The following ZNF804B variants were observed in gnomAD, a reference collection of about 807,000 sequenced individuals.
The protein encoded by ZNF804B is zinc finger 804B.
A neutral mutation model predicts 101.4 loss-of-function variants in ZNF804B; 80 were observed. The observed-to-expected ratio is 0.79, with a 90% confidence interval of 0.66 to 0.95. ZNF804B has a LOEUF of 0.95. Among genes scored for constraint, ZNF804B ranks in the 40% least tolerant of loss-of-function variants. The pLI is 0.00. For missense variants in ZNF804B, 1,673 were observed against 1,561.9 expected (o/e 1.07, Z -1.20); for synonymous variants, 622 against 558.8 (o/e 1.11, Z -1.59).
At chr7:89,013,225 A>G (rs989655302) in intron 1 of ZNF804B, among the ~76,000 whole-genome samples, 5 of 152,198 alleles carry the variant, frequency 3.3e-5, no homozygotes, top group African/African-American at 4.8e-5. Flanking sequence ...GAAAGTGGTA[A>G]GATTTTATCA....
At chr7:89,026,406 G>T (rs1340732890) in intron 1 of ZNF804B, among the ~76,000 whole-genome samples, 2 of 152,082 alleles carry the variant, frequency 1.3e-5, no homozygotes, top group African/African-American at 4.8e-5. Flanking sequence ...GTACACACAG[G>T]GGGAAGAGCA....
At chr7:89,250,257 T>C (rs1438720434) in intron 2 of ZNF804B, among the ~76,000 whole-genome samples, 1 of 151,878 alleles carries the variant, frequency 6.6e-6, no homozygotes, top group African/African-American at 2.4e-5. Context: ...AACGTGATGT[T>C]ACAATTGATT....
chr7:88,946,770 C>A (rs955311741), intron 1 of ZNF804B, among the ~76,000 whole-genome samples: 1 of 151,842 alleles, frequency 6.6e-6, no homozygotes, highest in Non-Finnish European at 1.5e-5. Flanking sequence ...ATTACTGCCT[C>A]AATTTCAGAA....
At chr7:89,104,385 T>G (rs1009215637) in intron 1 of ZNF804B, among the ~76,000 whole-genome samples, 1 of 151,920 alleles carries the variant, frequency 6.6e-6, no homozygotes, top group Non-Finnish European at 1.5e-5. Context: ...TGTTGGGAGA[T>G]TTTTCTACTA....
chr7:88,884,046 A>C (rs906201328), intron 1 of ZNF804B, among the ~76,000 whole-genome samples: 1 of 151,982 alleles, frequency 6.6e-6, no homozygotes, highest in African/African-American at 2.4e-5. Context: ...GCAGATGTCT[A>C]ATCTCACTTT....
intron 1 of ZNF804B, among the ~76,000 whole-genome samples, chr7:88,995,420 T>C (rs1421024178): frequency 6.6e-6 from 1 of 152,062 alleles, no homozygotes; most frequent in Non-Finnish European, 1.5e-5. Context: ...AGGAAACCCT[T>C]AGGTGTAGAA....
intron 2 of ZNF804B, among the ~76,000 whole-genome samples, chr7:89,304,713 T>C (rs534721918): frequency 6.6e-6 from 1 of 152,064 alleles, no homozygotes; most frequent in African/African-American, 2.4e-5. Context: ...AGCTATGTCA[T>C]GGCAGTATAG....
chr7:88,868,885 G>A (rs1049221741), intron 1 of ZNF804B, among the ~76,000 whole-genome samples: 4 of 152,280 alleles, frequency 2.6e-5, no homozygotes, highest in East Asian at 1.9e-4. Context: ...GACAGGAATC[G>A]CATTTTAATG....
intron 1 of ZNF804B, among the ~76,000 whole-genome samples, chr7:88,833,222 AG>A (rs1471639037): frequency 2.0e-5 from 3 of 151,784 alleles, no homozygotes; most frequent in Non-Finnish European, 4.4e-5. Flanking sequence ...CAAGGATGAT[AG>A]GAAAAAGAGG....
intron 1 of ZNF804B, among the ~76,000 whole-genome samples, chr7:89,001,296 T>C (rs1788284409): frequency 6.6e-6 from 1 of 151,378 alleles, no homozygotes; most frequent in African/African-American, 2.4e-5. Context: ...AAGTAACATA[T>C]ATGTTAGTTA....
At chr7:88,791,070 G>A (rs1424178968) in intron 1 of ZNF804B, among the ~76,000 whole-genome samples, 1 of 152,024 alleles carries the variant, frequency 6.6e-6, no homozygotes, top group Non-Finnish European at 1.5e-5. Context: ...GTCTTTGAGA[G>A]TGAGTATAAA....
At chr7:89,310,030 T>C (rs1394864302) in intron 2 of ZNF804B, among the ~76,000 whole-genome samples, 1 of 151,112 alleles carries the variant, frequency 6.6e-6, no homozygotes, top group East Asian at 2.0e-4. Flanking sequence ...TTCTAACAAG[T>C]CGTGTGAGAG....
At chr7:88,868,774 A>G (rs1369967698) in intron 1 of ZNF804B, among the ~76,000 whole-genome samples, 2 of 152,236 alleles carry the variant, frequency 1.3e-5, no homozygotes, top group African/African-American at 4.8e-5. Context: ...TGAATCTGCT[A>G]AGTCAAACCC....
At chr7:88,846,070 G>A (rs1374528706) in intron 1 of ZNF804B, among the ~76,000 whole-genome samples, 2 of 152,288 alleles carry the variant, frequency 1.3e-5, no homozygotes, top group East Asian at 3.9e-4. Context: ...TCAAAGATAT[G>A]CTGACACTGG....
chr7:88,803,165 AACG>A, intron 1 of ZNF804B, among the ~76,000 whole-genome samples: 1 of 152,180 alleles, frequency 6.6e-6, no homozygotes, highest in South Asian at 2.1e-4. Flanking sequence ...CAGAAAAAAA[AACG>A]TTAAAAAATA....
intron 1 of ZNF804B, among the ~76,000 whole-genome samples, chr7:88,804,457 A>G (rs1790655150): frequency 1.3e-5 from 2 of 152,134 alleles, no homozygotes; most frequent in African/African-American, 4.8e-5. Context: ...GACTACATAT[A>G]ACACTAAACT....
At chr7:89,301,048 A>G (rs2115921399) in intron 2 of ZNF804B, among the ~76,000 whole-genome samples, 1 of 149,646 alleles carries the variant, frequency 6.7e-6, no homozygotes, top group Non-Finnish European at 1.5e-5. Context: ...GTTGATAAAA[A>G]TCCTCTTATA....
intron 2 of ZNF804B, among the ~76,000 whole-genome samples, chr7:89,272,911 A>C (rs148845422): frequency 6.6e-6 from 1 of 152,072 alleles, no homozygotes; most frequent in East Asian, 1.9e-4. Flanking sequence ...TGTTGCCTTT[A>C]TACTGCCCTC....
rs150010780 is a variant in ZNF804B, at chr7:89,333,554, T to C, written c.572T>C (p.Leu191Ser). ...QRSTMPNRHQLQSDRRCLFGN... is the reference protein window; with the variant it reads ...QRSTMPNRHQSQSDRRCLFGN... The stretch of plus-strand genomic sequence containing the variant: ...TCCACCATGCCAAATCGACACCAAT[T>C]ACAATCAGACAGGCGTTGTTTGTTT... The change falls in exon 4 of 4, where the codon TTA becomes TCA. Residue 191 changes from leucine to serine, a missense_variant. Coordinates refer to ENST00000333190, the MANE Select transcript of ZNF804B (RefSeq NM_181646.5). 44 of 1,613,404 alleles carry C rather than the reference T, an allele frequency of 2.7e-5. No homozygotes were observed. In the African/African-American group the frequency reaches 5.9e-4, roughly 22 times the overall value.
Sources: allele counts gnomAD v4.1 joint callset (sites outside exome capture counted in the v4.1 genomes callset), GRCh38; gene constraint gnomAD v4.1.1; transcripts MANE v1.5; gene names NCBI Gene and HGNC (gene_info 2026-07-23, HGNC 2026-07-21).